Variants in CCN4 observed in about 807,000 individuals in gnomAD.
CCN4 encodes CCN family member 4.
A neutral mutation model predicts 36.7 loss-of-function variants in CCN4; 30 were observed. The ratio of observed to expected loss-of-function variants is 0.82; its 90% CI spans 0.61 to 1.11. The LOEUF is 1.11. Among genes scored for constraint, CCN4 ranks in the 50% least tolerant of loss-of-function variants. The probability of loss-of-function intolerance (pLI) is 0.00; values close to 1 mark genes in which losing one functional copy is unlikely to be tolerated. For missense variants in CCN4, 505 were observed against 504.9 expected (o/e 1.00, Z 0.00); for synonymous variants, 191 against 195.4 (o/e 0.98, Z 0.19).
At chr8:133,194,454 GT>G in intron 1 of CCN4, among the ~76,000 whole-genome samples, 2 of 85,696 alleles carry the variant, frequency 2.3e-5, no homozygotes, top group Non-Finnish European at 4.3e-5. Flanking sequence ...TGTGTGTGTG[GT>G]ATGTGTGTGG....
In CCN4 at chr8:133,191,173, C is replaced by A. The variant is rs147047617; in HGVS notation, c.29C>A (p.Ala10Glu). The change falls in exon 1 of 5, where the codon GCA becomes GAA. Residue 10 changes from alanine to glutamate, a missense_variant. Physicochemically the swap from Ala to Glu is moderately radical, Grantham distance 107. Transcript: ENST00000250160. The stretch of plus-strand genomic sequence containing the variant: ...AGGTGGTTCCTGCCCTGGACGCTGG[C>A]AGCAGTGACAGCAGCAGCCGCCAGC... MRWFLPWTL[A>E]AVTAAAASTV... 8.1e-6 allele frequency: 13 copies of A among 1,605,622 alleles called. No homozygotes were observed. The highest frequency in any genetic ancestry group is 1.0e-5 in the Non-Finnish European group (12 of 1,179,618).
intron 1 of CCN4, among the ~76,000 whole-genome samples, chr8:133,198,730 A>G (rs1439663692): frequency 6.6e-6 from 1 of 152,136 alleles, no homozygotes; most frequent in Non-Finnish European, 1.5e-5. Context: ...GTGGAGGGAA[A>G]CACGTCGCCC....
rs1854125895 is a variant in CCN4 at position 133,213,138 on chromosome 8, G to A, written c.344G>A (p.Cys115Tyr). Residue 115 changes from cysteine to tyrosine, a missense_variant, in exon 2 of 5, where the codon TGT (cysteine) becomes TAT (tyrosine). Physicochemically the swap from Cys to Tyr is radical, Grantham distance 194. Coordinates refer to ENST00000250160, the MANE Select transcript of CCN4 (RefSeq NM_003882.4). ...GDRPRYAIGVCAQVVGVGCVL... is the reference protein window; with the variant it reads ...GDRPRYAIGVYAQVVGVGCVL... ...CGCCCGAGGTACGCAATAGGAGTGT[G>A]TGCACGTAAGTGAGTCCTCCATACC... 6.7e-7 allele frequency: 1 copy of A among 1,502,690 alleles called. No individual in the cohort carries two copies. The highest frequency in any genetic ancestry group is 2.0e-5 in the Admixed American group (1 of 49,220). The allele number at this position is 1,502,690 out of a possible 1,614,324, so 93.1% of individuals were successfully genotyped here.
At chr8:133,225,008 C>T (rs1363421996) in intron 3 of CCN4, among the ~76,000 whole-genome samples, 1 of 151,910 alleles carries the variant, frequency 6.6e-6, no homozygotes, top group African/African-American at 2.4e-5. Context: ...AAATCTAGGC[C>T]TTATTATTGT....
chr8:133,196,199 A>G (rs2130528239), intron 1 of CCN4, among the ~76,000 whole-genome samples: 1 of 152,260 alleles, frequency 6.6e-6, no homozygotes. Context: ...GCACACACCT[A>G]TGAGGCAGCG....
intron 1 of CCN4, among the ~76,000 whole-genome samples, chr8:133,205,138 G>T (rs1853723830): frequency 6.6e-6 from 1 of 152,232 alleles, no homozygotes; most frequent in South Asian, 2.1e-4. Context: ...CTCAGAGGCT[G>T]CAGCAGGCAG....
At chr8:133,213,183 A>C in intron 2 of CCN4, 40 bp downstream of exon 2, 1 of 1,566,074 alleles carries the variant, frequency 6.4e-7, no homozygotes, top group Non-Finnish European at 8.7e-7. Flanking sequence ...GCCCCTGAGC[A>C]CCCCCAGCTC....
chr8:133,206,576 T>A (rs563501223), intron 1 of CCN4, among the ~76,000 whole-genome samples: 1 of 152,058 alleles, frequency 6.6e-6, no homozygotes, highest in Admixed American at 6.5e-5. Context: ...CCATCCTGGA[T>A]GTTGAAGGAG....
In CCN4 at chr8:133,206,072, T is replaced by C. The variant is rs1054706067; in HGVS notation, c.70-6792T>C. On this transcript the variant is annotated intron_variant, in intron 1 of 4. Coordinates refer to ENST00000250160, the MANE Select transcript of CCN4 (RefSeq NM_003882.4). ...ACTGCACAGCACCACAGGTGCGGCATGGGAGTCCCACCAGCAGCCAAACCA... is the reference window on the plus strand; with the variant it reads ...ACTGCACAGCACCACAGGTGCGGCACGGGAGTCCCACCAGCAGCCAAACCA... 5.3e-5 allele frequency among the ~76,000 whole-genome samples: 8 copies of C among 152,256 alleles called. No homozygotes were observed. In the East Asian group the frequency reaches 5.8e-4, roughly 11 times the overall value.
chr8:133,192,263 G>C (rs1457906376), intron 1 of CCN4, among the ~76,000 whole-genome samples: 2 of 152,216 alleles, frequency 1.3e-5, no homozygotes, highest in Non-Finnish European at 2.9e-5. Context: ...TCAGACTCTA[G>C]GTCTGCTTCA....
At chr8:133,218,052 C>T (rs1049791447) in intron 2 of CCN4, among the ~76,000 whole-genome samples, 1 of 151,956 alleles carries the variant, frequency 6.6e-6, no homozygotes, top group African/African-American at 2.4e-5. Flanking sequence ...GCTTTTTTTG[C>T]CTTCCTCTGT....
intron 1 of CCN4, among the ~76,000 whole-genome samples, chr8:133,205,370 T>C (rs1348695197): frequency 6.6e-6 from 1 of 152,236 alleles, no homozygotes; most frequent in African/African-American, 2.4e-5. Flanking sequence ...TGTTTTTGTC[T>C]TTGTCTTTTT....
At chr8:133,208,556 G>A (rs1002783801) in intron 1 of CCN4, among the ~76,000 whole-genome samples, 1 of 152,096 alleles carries the variant, frequency 6.6e-6, no homozygotes, top group Non-Finnish European at 1.5e-5. Context: ...ATCCTCATCC[G>A]TCCTAGCCTT....
At position 133,229,302 on chromosome 8, in the gene CCN4, A is replaced by G. The variant is rs953510974; in HGVS notation, c.*1592A>G. The G allele has an allele frequency of 6.6e-6, 1 of 152,216 alleles. No homozygotes were observed. Among genetic ancestry groups the G allele is most frequent in the East Asian group, 1.9e-4 (1 of 5,206 alleles). 9.4% of individuals were successfully genotyped at this position (152,216 alleles called of 1,614,324 possible). A position where few individuals can be genotyped will look rare whatever the true frequency, so the allele number is the denominator to read the frequency against. On this transcript the variant is annotated 3_prime_UTR_variant, in exon 5 of 5. Coordinates refer to ENST00000250160, the MANE Select transcript of CCN4 (RefSeq NM_003882.4). ...TCCAAATGTGTCAGAATAGGAAAAC[A>G]TTGCAATAAATGGCTTGATTTTTTA...
chr8:133,197,072 A>AATGATG (rs928835132), intron 1 of CCN4, among the ~76,000 whole-genome samples: 1 of 152,042 alleles, frequency 6.6e-6, no homozygotes, highest in Admixed American at 6.6e-5. Flanking sequence ...AGGAGAAAGA[A>AATGATG]ATGATGATGA....
At chr8:133,203,432 T>A (rs1236809948) in intron 1 of CCN4, among the ~76,000 whole-genome samples, 1 of 151,988 alleles carries the variant, frequency 6.6e-6, no homozygotes, top group Non-Finnish European at 1.5e-5. Context: ...CAAGTAAGGG[T>A]TCTGCAGGGA....
chr8:133,201,678 C>A (rs1375271878), intron 1 of CCN4, among the ~76,000 whole-genome samples: 3 of 152,022 alleles, frequency 2.0e-5, no homozygotes, highest in African/African-American at 7.2e-5. Context: ...CCCATCTCTA[C>A]TAAGAAATGC....
intron 1 of CCN4, among the ~76,000 whole-genome samples, chr8:133,212,377 AG>A (rs1854081660): frequency 6.6e-6 from 1 of 152,072 alleles, no homozygotes; most frequent in Admixed American, 6.5e-5. Context: ...ACCGGTATTA[AG>A]TAGGAGTCCT....
intron 1 of CCN4, among the ~76,000 whole-genome samples, chr8:133,196,634 C>T (rs1853396076): frequency 6.6e-6 from 1 of 152,164 alleles, no homozygotes; most frequent in Non-Finnish European, 1.5e-5. Flanking sequence ...CACTTACAGG[C>T]TTTGTGCCCT....
Sources: gnomAD v4.1 joint callset for allele counts (sites outside exome capture counted in the v4.1 genomes callset) on GRCh38, gnomAD v4.1.1 for gene constraint, MANE v1.5 for transcripts, NCBI Gene and HGNC (gene_info 2026-07-23, HGNC 2026-07-21) for gene names.